CTNNA2: variants seen among roughly 807,000 people sequenced by gnomAD.
CTNNA2 encodes the protein catenin alpha-2.
A neutral mutation model predicts 101.0 loss-of-function variants in CTNNA2; 42 were observed. The ratio of observed to expected loss-of-function variants is 0.42; its 90% CI spans 0.32 to 0.54. The LOEUF is 0.54. Among genes scored for constraint, CTNNA2 ranks in the 20% least tolerant of loss-of-function variants. The pLI is 0.14. For missense variants in CTNNA2, 871 were observed against 1,223.1 expected (o/e 0.71, Z 4.29); for synonymous variants, 450 against 456.4 (o/e 0.99, Z 0.18).
At chr2:79,207,505 C>A (rs1464326516) in intron 2 of CTNNA2, among the ~76,000 whole-genome samples, 1 of 152,162 alleles carries the variant, frequency 6.6e-6, no homozygotes, top group Admixed American at 6.5e-5. Context: ...TCATTTAAAT[C>A]TGTAGCCCAA....
At chr2:80,215,343 C>T (rs1402262577) in intron 7 of CTNNA2, among the ~76,000 whole-genome samples, 1 of 152,160 alleles carries the variant, frequency 6.6e-6, no homozygotes, top group African/African-American at 2.4e-5. Context: ...AAGAGCTGCT[C>T]TGATTTTTAG....
chr2:79,461,526 A>G (rs1171620998), intron 4 of CTNNA2, among the ~76,000 whole-genome samples: 1 of 152,158 alleles, frequency 6.6e-6, no homozygotes, highest in Non-Finnish European at 1.5e-5. Context: ...AGCAGGAACC[A>G]GGTGGCTTCA....
intron 7 of CTNNA2, among the ~76,000 whole-genome samples, chr2:80,000,043 A>T (rs1190527068): frequency 1.3e-5 from 2 of 152,172 alleles, no homozygotes; most frequent in African/African-American, 4.8e-5. Context: ...AGTGGGAATT[A>T]TGAGAAAGGG....
intron 7 of CTNNA2, among the ~76,000 whole-genome samples, chr2:80,322,317 G>A (rs1294180467): frequency 6.6e-6 from 1 of 152,118 alleles, no homozygotes; most frequent in Non-Finnish European, 1.5e-5. Context: ...ATTTTATGTA[G>A]CGTGAAAACA....
chr2:79,413,404 T>C (rs1342096186), intron 4 of CTNNA2, among the ~76,000 whole-genome samples: 2 of 152,088 alleles, frequency 1.3e-5, no homozygotes, highest in Non-Finnish European at 2.9e-5. Flanking sequence ...TCTTCCTTTT[T>C]TGTGGCTGAA....
intron 1 of CTNNA2, among the ~76,000 whole-genome samples, chr2:79,642,826 A>C (rs1190080830): frequency 6.6e-6 from 1 of 151,048 alleles, no homozygotes; most frequent in Non-Finnish European, 1.5e-5. Flanking sequence ...ATACATACAC[A>C]CAGATACTCT....
chr2:80,135,990 G>A (rs1702672890), intron 7 of CTNNA2, among the ~76,000 whole-genome samples: 1 of 152,104 alleles, frequency 6.6e-6, no homozygotes, highest in African/African-American at 2.4e-5. Flanking sequence ...TTGAAGTAGA[G>A]CGATCTGGAA....
At chr2:79,910,393 A>G (rs1018089030) in intron 7 of CTNNA2, among the ~76,000 whole-genome samples, 5 of 152,300 alleles carry the variant, frequency 3.3e-5, no homozygotes, top group Admixed American at 6.5e-5. Context: ...TTTGGCACAT[A>G]ATAGCCATCC....
intron 3 of CTNNA2, among the ~76,000 whole-genome samples, chr2:79,829,421 A>ACACACACACACACACAC (rs1558559860): frequency 2.8e-5 from 4 of 142,566 alleles, no homozygotes; most frequent in East Asian, 2.2e-4. Context: ...ACACAGACAC[A>ACACACACACACACACAC]AAGCCGGGCG....
intron 2 of CTNNA2, among the ~76,000 whole-genome samples, chr2:79,720,837 C>A (rs575024378): frequency 6.6e-6 from 1 of 151,970 alleles, no homozygotes; most frequent in Non-Finnish European, 1.5e-5. Context: ...AGTTTTATTT[C>A]TTTTCCTATT....
At chr2:80,578,652 T>C (rs1404985944) in intron 13 of CTNNA2, among the ~76,000 whole-genome samples, 1 of 152,196 alleles carries the variant, frequency 6.6e-6, no homozygotes, top group African/African-American at 2.4e-5. Context: ...CTTAAGCTCA[T>C]CTATTTGCCT....
chr2:80,558,545 G>A (rs1693261738), intron 12 of CTNNA2, among the ~76,000 whole-genome samples: 1 of 151,840 alleles, frequency 6.6e-6, no homozygotes, highest in Non-Finnish European at 1.5e-5. Flanking sequence ...TCTGTGCTAA[G>A]GAGACATAAG....
chr2:80,337,041 T>G (rs540059508), intron 7 of CTNNA2, among the ~76,000 whole-genome samples: 82 of 152,116 alleles, frequency 5.4e-4, no homozygotes, highest in Non-Finnish European at 1.0e-3. Flanking sequence ...AATGTTCAAC[T>G]GGGTGGGGTG....
chr2:79,359,254 T>C (rs2104445318), intron 3 of CTNNA2, among the ~76,000 whole-genome samples: 1 of 152,240 alleles, frequency 6.6e-6, no homozygotes, highest in African/African-American at 2.4e-5. Flanking sequence ...TGTTGTGACA[T>C]CTATGGGTAA....
At chr2:79,964,490 T>C (rs1689884716) in intron 7 of CTNNA2, among the ~76,000 whole-genome samples, 1 of 152,234 alleles carries the variant, frequency 6.6e-6, no homozygotes. Context: ...AAGAAGTCTT[T>C]ATGAAATTTT....
At chr2:80,197,703 T>C (rs1328008056) in intron 7 of CTNNA2, among the ~76,000 whole-genome samples, 2 of 152,220 alleles carry the variant, frequency 1.3e-5, no homozygotes, top group Non-Finnish European at 2.9e-5. Context: ...TTGATGTGTG[T>C]GTCAGCCTTT....
At chr2:79,948,955 C>G (rs566179426) in intron 7 of CTNNA2, among the ~76,000 whole-genome samples, 9 of 151,982 alleles carry the variant, frequency 5.9e-5, no homozygotes, top group South Asian at 2.1e-4. Context: ...GCGACAGAGC[C>G]AGACTCCGTC....
intron 12 of CTNNA2, among the ~76,000 whole-genome samples, chr2:80,572,495 G>T (rs1229007216): frequency 6.6e-6 from 1 of 152,062 alleles, no homozygotes; most frequent in African/African-American, 2.4e-5. Context: ...CATACTTATG[G>T]CAACGTAGAC....
At chr2:79,436,681 C>T (rs62156995) in intron 4 of CTNNA2, among the ~76,000 whole-genome samples, 9 of 151,434 alleles carry the variant, frequency 5.9e-5, no homozygotes, top group African/African-American at 2.2e-4. Context: ...ACCCAGGCTG[C>T]AGTGCAGTGG....
Sources: allele counts gnomAD v4.1 joint callset (sites outside exome capture counted in the v4.1 genomes callset), GRCh38; gene constraint gnomAD v4.1.1; transcripts MANE v1.5; gene names NCBI Gene and HGNC (gene_info 2026-07-23, HGNC 2026-07-21).